CHRM3: variants seen among roughly 807,000 people sequenced by gnomAD.
CHRM3 encodes muscarinic acetylcholine receptor M3.
A neutral mutation model predicts 41.8 loss-of-function variants in CHRM3; 11 were observed. That is an observed-to-expected ratio of 0.26 (90% CI 0.17 to 0.44). CHRM3 has a LOEUF of 0.44. Among genes scored for constraint, CHRM3 ranks in the 20% least tolerant of loss-of-function variants. The pLI, the probability that CHRM3 is intolerant of heterozygous loss-of-function variation, is 1.00. For synonymous variants in CHRM3, 297 were observed against 301.4 expected (o/e 0.99, Z 0.15); for missense variants, 571 against 745.4 (o/e 0.77, Z 2.72).
At chr1:239,634,429 G>GA (rs562788333) in intron 4 of CHRM3, among the ~76,000 whole-genome samples, 1 of 117,704 alleles carries the variant, frequency 8.5e-6, no homozygotes, top group Non-Finnish European at 1.8e-5. Context: ...AAAGAAAAGA[G>GA]AAAAAAAAGA....
chr1:239,395,622 G>A (rs1476155312), intron 1 of CHRM3, among the ~76,000 whole-genome samples: 1 of 152,124 alleles, frequency 6.6e-6, no homozygotes. Context: ...TTGATAAAAT[G>A]CAGACTCTGA....
At chr1:239,589,625 T>C (rs1291557343) in intron 3 of CHRM3, among the ~76,000 whole-genome samples, 2 of 115,288 alleles carry the variant, frequency 1.7e-5, no homozygotes, top group South Asian at 6.0e-4. Context: ...TTTCCATGCA[T>C]ATATATAAAA....
intron 5 of CHRM3, among the ~76,000 whole-genome samples, chr1:239,759,169 G>GTTTTTTTTTTTTTTT (rs568446013): frequency 3.9e-5 from 4 of 102,080 alleles, no homozygotes; most frequent in East Asian, 3.3e-4. Context: ...TTTTTTTTTT[G>GTTTTTTTTTTTTTTT]TTTTTTTTTT....
At chr1:239,484,881 T>G (rs2148023586) in intron 1 of CHRM3, among the ~76,000 whole-genome samples, 1 of 152,162 alleles carries the variant, frequency 6.6e-6, no homozygotes, top group African/African-American at 2.4e-5. Context: ...GAAAGGGATC[T>G]TATAAAAAAG....
At chr1:239,481,985 GTTC>G (rs936874716) in intron 1 of CHRM3, among the ~76,000 whole-genome samples, 32 of 152,278 alleles carry the variant, frequency 2.1e-4, no homozygotes, top group East Asian at 7.7e-4. Flanking sequence ...CCAGCAAGAA[GTTC>G]TTCTTCTTTT....
At chr1:239,393,253 G>A (rs1427121854) in intron 1 of CHRM3, among the ~76,000 whole-genome samples, 2 of 152,120 alleles carry the variant, frequency 1.3e-5, no homozygotes, top group Non-Finnish European at 2.9e-5. Flanking sequence ...ACAATATGTT[G>A]ATGACTATAT....
intron 6 of CHRM3, among the ~76,000 whole-genome samples, chr1:239,856,292 G>T (rs1222211727): frequency 6.6e-6 from 1 of 152,162 alleles, no homozygotes; most frequent in African/African-American, 2.4e-5. Context: ...GATCCTGAGT[G>T]TTGGAGGTGG....
intron 1 of CHRM3, among the ~76,000 whole-genome samples, chr1:239,392,571 G>A (rs1022858161): frequency 1.3e-5 from 2 of 152,172 alleles, no homozygotes; most frequent in African/African-American, 4.8e-5. Context: ...TAAAATTCAG[G>A]TGAGTTTAAA....
chr1:239,408,521 C>CAAAAAA lies in CHRM3; in HGVS notation c.-521+21312_-521+21317dup, dbSNP rs371319364. Among the ~76,000 whole-genome samples the CAAAAAA allele has an allele frequency of 8.0e-4, 49 of 61,262 alleles. 1 individual carries two copies. The highest frequency in any genetic ancestry group is 9.3e-3 in the Middle Eastern group (1 of 108). 40.2% of individuals were successfully genotyped at this position (61,262 alleles called of 152,430 possible). Reference sequence around the variant, plus strand: ...CCTGGGCAACAGAGAGAGACTCCGTCAAAAAAAAAAAAAAAAAAAAAAACT... The same window carrying CAAAAAA: ...CCTGGGCAACAGAGAGAGACTCCGTCAAAAAAAAAAAAAAAAAAAAAAAAAAAAACT... On this transcript the variant is annotated intron_variant, in intron 1 of 6. Coordinates refer to ENST00000676153, the MANE Select transcript of CHRM3 (RefSeq NM_001375978.1).
At chr1:239,727,044 C>T (rs1360360648) in intron 5 of CHRM3, among the ~76,000 whole-genome samples, 1 of 151,854 alleles carries the variant, frequency 6.6e-6, no homozygotes, top group Non-Finnish European at 1.5e-5. Flanking sequence ...CTCTAAGCCA[C>T]AATTTTCTCA....
chr1:239,864,455 C>T (rs1450251021), intron 6 of CHRM3, among the ~76,000 whole-genome samples: 2 of 151,720 alleles, frequency 1.3e-5, no homozygotes, highest in Non-Finnish European at 2.9e-5. Flanking sequence ...TGCGGTGAGC[C>T]GAGATCGTGC....
intron 5 of CHRM3, among the ~76,000 whole-genome samples, chr1:239,690,998 T>C (rs1659662195): frequency 6.6e-6 from 1 of 152,078 alleles, no homozygotes; most frequent in Admixed American, 6.6e-5. Flanking sequence ...TTTGGTTAGC[T>C]GTAACCATTA....
At chr1:239,890,259 T>C (rs1398833786) in intron 6 of CHRM3, among the ~76,000 whole-genome samples, 1 of 150,936 alleles carries the variant, frequency 6.6e-6, no homozygotes, top group Non-Finnish European at 1.5e-5. Flanking sequence ...CTGCAGGAGG[T>C]GAGGTTGCGG....
intron 5 of CHRM3, among the ~76,000 whole-genome samples, chr1:239,718,276 A>G (rs1360004922): frequency 6.6e-6 from 1 of 152,050 alleles, no homozygotes; most frequent in Non-Finnish European, 1.5e-5. Flanking sequence ...AATGGAATAA[A>G]CTCAGTTTGG....
intron 2 of CHRM3, among the ~76,000 whole-genome samples, chr1:239,514,340 G>A (rs184914053): frequency 1.7e-3 from 251 of 145,654 alleles, no homozygotes; most frequent in African/African-American, 5.3e-3. Context: ...TGTAGATCTC[G>A]TACATTTTTT....
At chr1:239,603,329 G>A (rs1173869401) in intron 3 of CHRM3, among the ~76,000 whole-genome samples, 3 of 152,232 alleles carry the variant, frequency 2.0e-5, no homozygotes, top group East Asian at 1.9e-4. Flanking sequence ...GATAAAGCAA[G>A]AATAAACAAT....
intron 3 of CHRM3, among the ~76,000 whole-genome samples, chr1:239,599,066 T>C (rs529630339): frequency 2.3e-4 from 35 of 152,324 alleles, no homozygotes; most frequent in African/African-American, 8.2e-4. Context: ...TCTTCCGTTG[T>C]AGACACTGCT....
intron 1 of CHRM3, among the ~76,000 whole-genome samples, chr1:239,404,022 C>T (rs539067631): frequency 2.6e-3 from 219 of 84,878 alleles, no homozygotes; most frequent in African/African-American, 8.3e-3. Context: ...AGATACCTGG[C>T]TCGGTGGCTC....
rs548010080 is a variant in CHRM3, at chr1:239,491,253, A to G, written c.-520-1456A>G. ...AATATACAATAAATTGTTTTATTAT[A>G]GTCATCCTATAGTGCTGTAGAACAC... On this transcript the variant is annotated intron_variant, in intron 1 of 6. Transcript: ENST00000676153. Among the ~76,000 whole-genome samples the G allele has an allele frequency of 2.6e-4, 40 of 152,288 alleles. No homozygotes were observed. The South Asian group carries it at 6.4e-3, about 24-fold the overall frequency.
Sources: allele counts gnomAD v4.1 joint callset (sites outside exome capture counted in the v4.1 genomes callset), GRCh38; gene constraint gnomAD v4.1.1; transcripts MANE v1.5; gene names NCBI Gene and HGNC (gene_info 2026-07-23, HGNC 2026-07-21).